Variants in HELZ observed in about 807,000 individuals in gnomAD.
HELZ encodes the protein ATP-dependent RNA helicase with zinc finger domain.
Under a neutral mutation model 218.2 loss-of-function variants are expected in HELZ, and 23 were observed. The ratio of observed to expected loss-of-function variants is 0.11; its 90% CI spans 0.08 to 0.15. The LOEUF (loss-of-function observed/expected upper bound fraction) is 0.15, where lower values mean the gene tolerates loss of function less well. Ranked by LOEUF, HELZ falls within the 10% of genes least tolerant of loss-of-function variation. The pLI, the probability that HELZ is intolerant of heterozygous loss-of-function variation, is 1.00. For missense variants in HELZ, 1,813 were observed against 2,353.7 expected (o/e 0.77, Z 4.75); for synonymous variants, 814 against 829.4 (o/e 0.98, Z 0.32).
At chr17:67,168,135 C>T (rs1027000208) in intron 13 of HELZ, among the ~76,000 whole-genome samples, 4 of 152,064 alleles carry the variant, frequency 2.6e-5, no homozygotes, top group African/African-American at 7.2e-5. Flanking sequence ...ATGCCCACCA[C>T]GCCCGGCTAA....
chr17:67,197,010 T>G (rs2040048454), intron 7 of HELZ, among the ~76,000 whole-genome samples: 1 of 152,186 alleles, frequency 6.6e-6, no homozygotes, highest in Non-Finnish European at 1.5e-5. Context: ...AGCTTGCCAA[T>G]CTTGCCTTAT....
chr17:67,229,551 C>A (rs1420753974), intron 3 of HELZ, among the ~76,000 whole-genome samples: 1 of 152,174 alleles, frequency 6.6e-6, no homozygotes, highest in African/African-American at 2.4e-5. Context: ...CCATTTTATA[C>A]CATCTTTATC....
intron 5 of HELZ, among the ~76,000 whole-genome samples, chr17:67,214,712 C>T (rs2040550657): frequency 6.6e-6 from 1 of 152,082 alleles, no homozygotes; most frequent in African/African-American, 2.4e-5. Context: ...CAAACAATTC[C>T]ACCAAACGTG....
intron 32 of HELZ, among the ~76,000 whole-genome samples, chr17:67,081,100 C>T (rs2036175603): frequency 6.6e-6 from 1 of 152,176 alleles, no homozygotes; most frequent in Non-Finnish European, 1.5e-5. Context: ...AAGCCACTTG[C>T]CTTGAAACAC....
chr17:67,200,855 T>C (rs2040149975), intron 7 of HELZ: 1 of 358,292 alleles, frequency 2.8e-6, no homozygotes, highest in Non-Finnish European at 5.0e-6. Context: ...TCTTCCCATT[T>C]GTTGTCCAGA....
intron 13 of HELZ, among the ~76,000 whole-genome samples, chr17:67,174,961 A>C (rs1268073988): frequency 1.3e-5 from 2 of 152,238 alleles, no homozygotes; most frequent in Admixed American, 1.3e-4. Context: ...GAACACACTT[A>C]TTATTGTCAA....
chr17:67,216,580 G>A (rs2040607190), intron 4 of HELZ, among the ~76,000 whole-genome samples: 1 of 150,840 alleles, frequency 6.6e-6, no homozygotes, highest in South Asian at 2.1e-4. Context: ...GTCTCTTCAT[G>A]GCAAAACTCC....
At chr17:67,122,350 C>T (rs2037636675) in intron 26 of HELZ, among the ~76,000 whole-genome samples, 2 of 152,180 alleles carry the variant, frequency 1.3e-5, no homozygotes, top group African/African-American at 2.4e-5. Flanking sequence ...TCGAGACCAT[C>T]CTGGCTAACA....
Position 67,107,441 on chromosome 17 carries a change from TCTGGGGTGGGAGGCG to T in HELZ, c.4954_4968del (p.Arg1652_Gln1656del). 6.2e-7 allele frequency: 1 copy of T among 1,614,140 alleles called. No homozygotes were observed. Among genetic ancestry groups the T allele is most frequent in the African/African-American group, 1.3e-5 (1 of 75,018 alleles). Reference sequence around the variant, plus strand: ...GGCAACGAGAAAGGTGAGTTGAATATCTGGGGTGGGAGGCGCTGTGGAAATGCTGGGTTGCTGGCT... The same window carrying T: ...GGCAACGAGAAAGGTGAGTTGAATATCTGTGGAAATGCTGGGTTGCTGGCT... On this transcript the variant is annotated inframe_deletion, in exon 31 of 33. Coordinates refer to ENST00000358691, the MANE Select transcript of HELZ (RefSeq NM_014877.4).
chr17:67,194,225 A>C (rs1259113344), intron 8 of HELZ, among the ~76,000 whole-genome samples, 183 bp from the exon 9 acceptor site: 1 of 152,244 alleles, frequency 6.6e-6, no homozygotes, highest in African/African-American at 2.4e-5. Context: ...CATAGGAATC[A>C]CTGAAGAGGC....
At chr17:67,204,018 T>C (rs1483678297) in intron 5 of HELZ, among the ~76,000 whole-genome samples, 2 of 152,218 alleles carry the variant, frequency 1.3e-5, no homozygotes, top group African/African-American at 4.8e-5. Flanking sequence ...AAACAGAATA[T>C]ACTCATTTTT....
chr17:67,206,277 C>T (rs183896952), intron 5 of HELZ, among the ~76,000 whole-genome samples: 46 of 152,320 alleles, frequency 3.0e-4, no homozygotes, highest in African/African-American at 1.1e-3. Flanking sequence ...CTAGGAGTTA[C>T]AAAGGAGGAC....
At chr17:67,091,043 T>C (rs1344944728) in intron 31 of HELZ, among the ~76,000 whole-genome samples, 1 of 152,090 alleles carries the variant, frequency 6.6e-6, no homozygotes, top group East Asian at 1.9e-4. Context: ...ATTTAAATTC[T>C]AATATAAGCT....
intron 32 of HELZ, among the ~76,000 whole-genome samples, 182 bp downstream of exon 32, chr17:67,086,631 AATATATATATATATAT>A (rs71139116): frequency 1.5e-4 from 14 of 93,300 alleles, no homozygotes; most frequent in East Asian, 1.2e-3. Context: ...TATAAATATA[AATATATATATATATAT>A]ATATATATAT....
In HELZ at chr17:67,075,324, T is replaced by C. The variant is rs1439756559; in HGVS notation, c.*2928A>G. The C allele has an allele frequency of 7.9e-5, 12 of 152,274 alleles. No homozygotes were observed. Among genetic ancestry groups the C allele is most frequent in the African/African-American group, 2.9e-4 (12 of 41,568 alleles). 9.4% of individuals were successfully genotyped at this position (152,274 alleles called of 1,614,324 possible). A position where few individuals can be genotyped will look rare whatever the true frequency, so the allele number is the denominator to read the frequency against. On this transcript the variant is annotated 3_prime_UTR_variant, in exon 33 of 33. Transcript: ENST00000358691. The stretch of plus-strand genomic sequence containing the variant: ...AGGACAAAGATGTAAAAAGACATTA[T>C]GTGAACAATTAACCTCACTTAGAAA...
At chr17:67,093,104 ATTGT>A (rs1447070973) in intron 31 of HELZ, among the ~76,000 whole-genome samples, 2 of 152,256 alleles carry the variant, frequency 1.3e-5, no homozygotes, top group Non-Finnish European at 2.9e-5. Context: ...ATTTTAGAAC[ATTGT>A]TTTAGTTCTT....
intron 32 of HELZ, among the ~76,000 whole-genome samples, chr17:67,080,530 T>C (rs1006179562): frequency 6.6e-6 from 1 of 152,228 alleles, no homozygotes; most frequent in African/African-American, 2.4e-5. Flanking sequence ...TTCTCATATC[T>C]GGAATTTGCC....
At chr17:67,111,972 T>C (rs1427685127) in intron 28 of HELZ, among the ~76,000 whole-genome samples, 1 of 152,174 alleles carries the variant, frequency 6.6e-6, no homozygotes, top group Non-Finnish European at 1.5e-5. Flanking sequence ...ATCTTAATTG[T>C]CTCTATCACT....
chr17:67,078,482 GA>G lies in HELZ; in HGVS notation c.5598del (p.Pro1867HisfsTer60). 6.3e-7 allele frequency: 1 copy of G among 1,579,468 alleles called. No individual in the cohort carries two copies. Among genetic ancestry groups the G allele is most frequent in the Non-Finnish European group, 8.6e-7 (1 of 1,166,006 alleles). On this transcript the variant is annotated frameshift_variant, in exon 33 of 33. Transcript: ENST00000358691. LOFTEE classifies it high-confidence loss of function. ...NYSVLQHLGQ[F>X]PPLMPNKQIA... is the part of the protein sequence containing the mutation. The stretch of plus-strand genomic sequence containing the variant: ...ATCTGCTTGTTAGGCATAAGGGGTG[GA>G]AACTGGCCAAGATGCTGCAGCACAC...
Sources: gnomAD v4.1 joint callset for allele counts (sites outside exome capture counted in the v4.1 genomes callset) on GRCh38, gnomAD v4.1.1 for gene constraint, MANE v1.5 for transcripts, NCBI Gene and HGNC (gene_info 2026-07-23, HGNC 2026-07-21) for gene names.